Variants in FAM107A observed in about 807,000 individuals in gnomAD.
FAM107A encodes actin-associated protein FAM107A.
FAM107A carries 19 observed loss-of-function variants against 13.7 expected under a neutral mutation model. The ratio of observed to expected loss-of-function variants is 1.38; its 90% confidence interval spans 0.97 to 2.03. The LOEUF (loss-of-function observed/expected upper bound fraction) is 2.03, where lower values mean the gene tolerates loss of function less well. Ranked by LOEUF, FAM107A falls within the 30% of genes most tolerant of loss-of-function variation. The pLI is 0.00. For missense variants in FAM107A, 203 were observed against 184.4 expected (o/e 1.10, Z -0.58); for synonymous variants, 82 against 74.5 (o/e 1.10, Z -0.52).
At position 58,569,208 on chromosome 3, in the gene FAM107A, TC is replaced by T. The variant is rs35330451; in HGVS notation, c.170+482del. 6.6e-6 allele frequency among the ~76,000 whole-genome samples: 1 copy of T among 152,090 alleles called. No individual in the cohort carries two copies. Among genetic ancestry groups the T allele is most frequent in the African/African-American group, 2.4e-5 (1 of 41,420 alleles). ...CCACCTCCGGCCTGGCTAACTCCAG[TC>T]CCCCTTCAGGTCATAGCTGAGGCAG... On this transcript the variant is annotated intron_variant, in intron 2 of 3. Coordinates refer to ENST00000360997, the MANE Select transcript of FAM107A (RefSeq NM_001076778.3). This position sits in a 1 kb window ranked among gnomAD's most constrained non-coding sequence, Gnocchi z 5.7.
intron 2 of FAM107A, among the ~76,000 whole-genome samples, chr3:58,568,123 A>T (rs67977616): frequency 4.0e-5 from 6 of 150,066 alleles, no homozygotes; most frequent in African/African-American, 1.2e-4. Context: ...CTTTTTATTC[A>T]TTTTTTCCTT....
At chr3:58,625,102 T>C (rs929734143) in intron 1 of FAM107A, among the ~76,000 whole-genome samples, 2 of 151,962 alleles carry the variant, frequency 1.3e-5, no homozygotes, top group African/African-American at 4.8e-5. Flanking sequence ...CCAATAAAAA[T>C]GAGAAATAAA....
At chr3:58,574,670 G>A (rs1380005033) in intron 1 of FAM107A, among the ~76,000 whole-genome samples, 1 of 152,166 alleles carries the variant, frequency 6.6e-6, no homozygotes, top group African/African-American at 2.4e-5. Flanking sequence ...ATGACTATAG[G>A]ATGGCAAATA....
upstream of FAM107A, among the ~76,000 whole-genome samples, chr3:58,588,569 G>A (rs953962295): frequency 6.6e-6 from 1 of 152,218 alleles, no homozygotes; most frequent in African/African-American, 2.4e-5. Flanking sequence ...TCAACAACCA[G>A]CCTTCAGGAG....
chr3:58,609,306 T>G (rs2065830306), intron 1 of FAM107A: 1 of 152,216 alleles, frequency 6.6e-6, no homozygotes, highest in Non-Finnish European at 1.5e-5. Context: ...TGTTTTCTAC[T>G]GACTATAAAA....
In FAM107A at chr3:58,613,936, G is replaced by GCCACAAC. The variant is rs2065878006; in HGVS notation, c.-70+13479_-70+13480insGTTGTGG. The stretch of plus-strand genomic sequence containing the variant: ...GTGCCACAACTCCCTGCAGCCTGCT[G>GCCACAAC]TACCTGGGAAGTGCCAGTGGGCTGG... On this transcript the variant is annotated intron_variant, in intron 1 of 3. Transcript: ENST00000465970. The surrounding 1 kb of genome is among the most constrained non-coding windows in gnomAD (Gnocchi z 4.6). Among the ~76,000 whole-genome samples the GCCACAAC allele has an allele frequency of 6.6e-6, 1 of 152,262 alleles. No individual in the cohort carries two copies. Among genetic ancestry groups the GCCACAAC allele is most frequent in the Non-Finnish European group, 1.5e-5 (1 of 68,034 alleles).
chr3:58,587,078 G>A, exon 1 of FAM107A: 1 of 1,363,668 alleles, frequency 7.3e-7, no homozygotes, highest in Non-Finnish European at 9.4e-7. Context: ...TACGGCGGCG[G>A]CCGGAGGGGC....
At chr3:58,578,520 A>G (rs1257178601), upstream of FAM107A, among the ~76,000 whole-genome samples, 21 of 152,190 alleles carry the variant, frequency 1.4e-4, no homozygotes, top group Non-Finnish European at 2.9e-5. Flanking sequence ...GTGAGCCAAG[A>G]TTGGGCCACT....
intron 1 of FAM107A, among the ~76,000 whole-genome samples, chr3:58,623,211 T>C (rs2106642924): frequency 6.6e-6 from 1 of 152,358 alleles, no homozygotes; most frequent in South Asian, 2.1e-4. Context: ...TTAGCCATAG[T>C]GCTTCTATTT....
At chr3:58,590,761 C>G (rs12491329), upstream of FAM107A, among the ~76,000 whole-genome samples, 2 of 152,206 alleles carry the variant, frequency 1.3e-5, no homozygotes, top group African/African-American at 4.8e-5. Context: ...TCACCTCCCA[C>G]TAGGTCCCTC....
chr3:58,622,931 C>G (rs2065970872), intron 1 of FAM107A, among the ~76,000 whole-genome samples: 1 of 152,204 alleles, frequency 6.6e-6, no homozygotes, highest in South Asian at 2.1e-4. Context: ...TGCAAGGCCC[C>G]TTTCTCCTCA....
rs1211655545 is a variant in FAM107A at position 58,564,445 on chromosome 3, G to A, written c.*2143C>T. ...AGGAGACTGGAACAGTGAAAATCTG[G>A]ATTTACAGCCTCCACAGTTGGAGTG... On this transcript the variant is annotated 3_prime_UTR_variant, in exon 4 of 4. Transcript: ENST00000360997. The surrounding 1 kb of genome is among the most constrained non-coding windows in gnomAD (Gnocchi z 5.6). 1.3e-5 allele frequency: 2 copies of A among 152,246 alleles called. No individual in the cohort carries two copies. Among genetic ancestry groups the A allele is most frequent in the East Asian group, 3.8e-4 (2 of 5,206 alleles). The allele number at this position is 152,246 out of a possible 1,614,324, so 9.4% of individuals were successfully genotyped here.
chr3:58,610,189 C>T (rs2065839609), intron 1 of FAM107A, among the ~76,000 whole-genome samples: 1 of 152,210 alleles, frequency 6.6e-6, no homozygotes, highest in Non-Finnish European at 1.5e-5. Context: ...TGAGTCATCT[C>T]ATTACCCGCG....
rs759671077 is a variant in FAM107A at position 58,566,606 on chromosome 3, G to C, written c.417C>G (p.Ser139Arg). The change falls in exon 4 of 4, where the codon AGC becomes AGG. Residue 139 changes from serine to arginine, a missense_variant. By Grantham distance (110) the Ser-to-Arg change is moderately radical (BLOSUM62 -1). Transcript: ENST00000360997. Reference sequence around the variant, plus strand: ...GCTGGCCCTACAGCTCTCTCTCTTCGCTGGTCAGTGTGGCAATTCTCCGCA... The same window carrying C: ...GCTGGCCCTACAGCTCTCTCTCTTCCCTGGTCAGTGTGGCAATTCTCCGCA... Reference protein sequence around the residue: ...ENLRRIATLTSEEREL With the variant: ...ENLRRIATLTREEREL 5.0e-6 allele frequency: 8 copies of C among 1,613,342 alleles called. No homozygotes were observed. In the African/African-American group the frequency reaches 5.3e-5, roughly 11 times the overall value.
At chr3:58,595,705 C>T (rs960025000) in intron 1 of FAM107A, among the ~76,000 whole-genome samples, 1 of 152,112 alleles carries the variant, frequency 6.6e-6, no homozygotes, top group Non-Finnish European at 1.5e-5. Context: ...TGCGTGCACA[C>T]ACACACACAC....
rs1403636914 is a variant in FAM107A, at chr3:58,567,206, A to T, written c.327+2T>A. 1 of 1,614,166 alleles carries T rather than the reference A, an allele frequency of 6.2e-7. No individual in the cohort carries two copies. The highest frequency in any genetic ancestry group is 8.5e-7 in the Non-Finnish European group (1 of 1,180,022). On this transcript the variant is annotated splice_donor_variant, in intron 3 of 3. Transcript: ENST00000360997. LOFTEE classifies it high-confidence loss of function. ...GGTCCCTGCTGGGTGCCCATCACCCACCTGGTTCAGCCTCTGCTGCCGTCT... is the reference window on the plus strand; with the variant it reads ...GGTCCCTGCTGGGTGCCCATCACCCTCCTGGTTCAGCCTCTGCTGCCGTCT...
At chr3:58,568,709 G>C (rs1360043736) in intron 2 of FAM107A, among the ~76,000 whole-genome samples, 1 of 152,126 alleles carries the variant, frequency 6.6e-6, no homozygotes, top group Admixed American at 6.5e-5. Context: ...TCACACAACT[G>C]AAAACAAGAA....
chr3:58,587,927 A>G (rs2065624046), upstream of FAM107A, among the ~76,000 whole-genome samples: 1 of 152,178 alleles, frequency 6.6e-6, no homozygotes, highest in South Asian at 2.1e-4. Flanking sequence ...GCAAATAAGA[A>G]AAAACAGAGA....
In FAM107A at chr3:58,565,554, C is replaced by G. The variant is rs2063612370; in HGVS notation, c.*1034G>C. The G allele has an allele frequency of 6.8e-6, 1 of 146,704 alleles. No homozygotes were observed. The highest frequency in any genetic ancestry group is 2.5e-5 in the African/African-American group (1 of 39,722). 9.1% of individuals were successfully genotyped at this position (146,704 alleles called of 1,614,324 possible). On this transcript the variant is annotated 3_prime_UTR_variant, in exon 4 of 4. Coordinates refer to ENST00000360997, the MANE Select transcript of FAM107A (RefSeq NM_001076778.3). Reference sequence around the variant, plus strand: ...CTGATTAAAACAACACTCACATAACCAACACAATTTGCTAGGCCAAAGTCT... The same window carrying G: ...CTGATTAAAACAACACTCACATAACGAACACAATTTGCTAGGCCAAAGTCT...
Sources: allele counts gnomAD v4.1 joint callset (sites outside exome capture counted in the v4.1 genomes callset), GRCh38; gene constraint gnomAD v4.1.1; non-coding constraint Gnocchi (gnomAD v3.1); transcripts MANE v1.5; gene names NCBI Gene and HGNC (gene_info 2026-07-23, HGNC 2026-07-21).